THRB: variants seen among roughly 807,000 people sequenced by gnomAD.
The protein encoded by THRB is nuclear receptor subfamily 1 group A member 2.
Under a neutral mutation model 47.8 loss-of-function variants are expected in THRB, and 12 were observed. The observed-to-expected ratio is 0.25, with a 90% CI of 0.16 to 0.41. The LOEUF (loss-of-function observed/expected upper bound fraction) is 0.41, where lower values mean the gene tolerates loss of function less well. Among genes scored for constraint, THRB ranks in the 10% least tolerant of loss-of-function variants. The pLI is 1.00. For synonymous variants in THRB, 218 were observed against 212.2 expected (o/e 1.03, Z -0.24); for missense variants, 348 against 589.2 (o/e 0.59, Z 4.24).
At position 24,456,783 on chromosome 3, in the gene THRB, A is replaced by G. The variant is rs548332915; in HGVS notation, c.-261+37869T>C. Among the ~76,000 whole-genome samples, 24 of 152,124 alleles carry G rather than the reference A, an allele frequency of 1.6e-4. No individual in the cohort carries two copies. The South Asian group carries it at 4.6e-3, about 29-fold the overall frequency. ...TATCTTATACACTGTCTTATTATAT[A>G]AGATAAACTTACTAATAATTCTCTT... On this transcript the variant is annotated intron_variant, in intron 1 of 10. Transcript: ENST00000646209.
intron 10 of THRB, among the ~76,000 whole-genome samples, chr3:24,123,505 A>G (rs1339558953): frequency 2.0e-5 from 3 of 152,104 alleles, no homozygotes; most frequent in Non-Finnish European, 4.4e-5. Flanking sequence ...CAGAGAGGAG[A>G]GGATGAGCGT....
chr3:24,348,588 G>A (rs2063170523), intron 1 of THRB: 1 of 152,146 alleles, frequency 6.6e-6, no homozygotes, highest in Non-Finnish European at 1.5e-5. Context: ...CCTTCTGCAC[G>A]ATGTGCTGTG....
intron 1 of THRB, among the ~76,000 whole-genome samples, chr3:24,417,251 T>C (rs955347324): frequency 1.3e-5 from 2 of 151,914 alleles, no homozygotes; most frequent in African/African-American, 4.8e-5. Flanking sequence ...TGTGTATTTA[T>C]GCAAGTAGGC....
At chr3:24,480,463 A>G (rs1230889736) in intron 1 of THRB, among the ~76,000 whole-genome samples, 1 of 152,216 alleles carries the variant, frequency 6.6e-6, no homozygotes, top group Non-Finnish European at 1.5e-5. Context: ...GCAAAACCAC[A>G]TATTTTGCTC....
At chr3:24,291,313 C>G (rs982005658) in intron 3 of THRB, among the ~76,000 whole-genome samples, 1 of 152,196 alleles carries the variant, frequency 6.6e-6, no homozygotes, top group African/African-American at 2.4e-5. Context: ...TAGCAAATGA[C>G]ACAGGGCTCT....
intron 2 of THRB, among the ~76,000 whole-genome samples, chr3:24,310,871 C>T (rs2057710728): frequency 6.6e-6 from 1 of 152,096 alleles, no homozygotes; most frequent in African/African-American, 2.4e-5. Flanking sequence ...AAAAATCCTG[C>T]CCGAAAAGGA....
chr3:24,228,417 C>T (rs188733125), intron 4 of THRB, among the ~76,000 whole-genome samples: 4 of 152,200 alleles, frequency 2.6e-5, no homozygotes, highest in Admixed American at 6.5e-5. Flanking sequence ...AAAATATACA[C>T]TTTCTGTGGT....
chr3:24,273,339 A>T (rs1475769207), intron 3 of THRB, among the ~76,000 whole-genome samples: 1 of 152,168 alleles, frequency 6.6e-6, no homozygotes, highest in African/African-American at 2.4e-5. Context: ...TCCCTGCTTC[A>T]TAGAGCTTAC....
chr3:24,226,709 G>T (rs2047688969), intron 4 of THRB, among the ~76,000 whole-genome samples: 1 of 152,146 alleles, frequency 6.6e-6, no homozygotes, highest in Non-Finnish European at 1.5e-5. Context: ...GTAATGAGAT[G>T]GTTTGTAGCT....
chr3:24,145,715 TTTTCTCAGTGAAAGAACTCTA>T (rs1468498231), intron 7 of THRB, among the ~76,000 whole-genome samples: 3 of 152,242 alleles, frequency 2.0e-5, no homozygotes, highest in African/African-American at 7.2e-5. Context: ...ACAGATTTTT[TTTTCTCAGTGAAAGAACTCTA>T]TTTCTCACAT....
chr3:24,174,149 G>A (rs111550008), intron 5 of THRB, among the ~76,000 whole-genome samples: 3 of 152,208 alleles, frequency 2.0e-5, no homozygotes, highest in African/African-American at 7.2e-5. Context: ...GTTAAGCCGG[G>A]CATGCATTAG....
At position 24,152,967 on chromosome 3, in the gene THRB, AAAAAAAG is replaced by A. The variant is rs1392999135; in HGVS notation, c.284-484_284-478del. 8.4e-5 allele frequency among the ~76,000 whole-genome samples: 6 copies of A among 71,068 alleles called. No homozygotes were observed. In the South Asian group the frequency reaches 2.8e-3, roughly 33 times the overall value. 46.6% of individuals were successfully genotyped at this position (71,068 alleles called of 152,430 possible). On this transcript the variant is annotated intron_variant, in intron 5 of 10. Coordinates refer to ENST00000646209, the MANE Select transcript of THRB (RefSeq NM_001354712.2). ...ACAAGAGCGAAATTCTGCCAAAAAAAAAAAAAGAAAGAAAGAAAGAAAGAAAGAAAGA... is the reference window on the plus strand; with the variant it reads ...ACAAGAGCGAAATTCTGCCAAAAAAAAAAGAAAGAAAGAAAGAAAGAAAGA...
Position 24,157,009 on chromosome 3 carries a change from A to G in THRB, c.284-4519T>C, listed in dbSNP as rs187136791. The stretch of plus-strand genomic sequence containing the variant: ...AACCCTGTGATAGACACTATATTAA[A>G]TTAAACCATGCATTCATCCATTTGT... On this transcript the variant is annotated intron_variant, in intron 5 of 10. Coordinates refer to ENST00000646209, the MANE Select transcript of THRB (RefSeq NM_001354712.2). Among the ~76,000 whole-genome samples the G allele has an allele frequency of 8.2e-4, 125 of 152,358 alleles. 2 individuals are homozygous for G. The highest frequency in any genetic ancestry group is 2.8e-3 in the African/African-American group (118 of 41,586).
chr3:24,203,089 T>G (rs1412031348), intron 4 of THRB, among the ~76,000 whole-genome samples: 4 of 152,186 alleles, frequency 2.6e-5, no homozygotes, highest in African/African-American at 4.8e-5. Flanking sequence ...AAATCTCTCC[T>G]GGAAAATGAA....
intron 5 of THRB, among the ~76,000 whole-genome samples, chr3:24,182,799 A>T (rs566990008): frequency 2.6e-5 from 4 of 152,220 alleles, no homozygotes; most frequent in Non-Finnish European, 5.9e-5. Flanking sequence ...CTCGGACTGT[A>T]TAAGTAGATA....
At chr3:24,203,521 T>A in intron 4 of THRB, among the ~76,000 whole-genome samples, 1 of 152,180 alleles carries the variant, frequency 6.6e-6, no homozygotes, top group East Asian at 1.9e-4. Flanking sequence ...ACATAAGTTT[T>A]GGGGCGGTTC....
intron 3 of THRB, among the ~76,000 whole-genome samples, chr3:24,280,312 C>T (rs935280186): frequency 2.0e-5 from 3 of 152,164 alleles, no homozygotes; most frequent in Non-Finnish European, 2.9e-5. Context: ...GGGAGGCACA[C>T]CCCAGCAGGG....
At chr3:24,155,781 C>T (rs1006821245) in intron 5 of THRB, among the ~76,000 whole-genome samples, 4 of 152,120 alleles carry the variant, frequency 2.6e-5, no homozygotes, top group African/African-American at 4.8e-5. Context: ...ATAATGTCAG[C>T]GTTGGATTCT....
chr3:24,192,199 G>C (rs190717614), intron 4 of THRB, among the ~76,000 whole-genome samples: 60 of 152,246 alleles, frequency 3.9e-4, no homozygotes, highest in Non-Finnish European at 7.5e-4. Context: ...TTGAAAGATC[G>C]TATTGCATTT....
Sources: gnomAD v4.1 joint callset for allele counts (sites outside exome capture counted in the v4.1 genomes callset) on GRCh38, gnomAD v4.1.1 for gene constraint, MANE v1.5 for transcripts, NCBI Gene and HGNC (gene_info 2026-07-23, HGNC 2026-07-21) for gene names.